GRIK3: variants seen among roughly 807,000 people sequenced by gnomAD.
The protein encoded by GRIK3 is glutamate ionotropic receptor kainate type subunit 3, also known as glutamate receptor ionotropic, kainate 3.
A neutral mutation model predicts 102.5 loss-of-function variants in GRIK3; 29 were observed. The ratio of observed to expected loss-of-function variants is 0.28; its 90% CI spans 0.21 to 0.39. The LOEUF (loss-of-function observed/expected upper bound fraction) is 0.39, where lower values mean the gene tolerates loss of function less well. Among genes scored for constraint, GRIK3 ranks in the 10% least tolerant of loss-of-function variants. GRIK3 has a pLI of 1.00. For synonymous variants in GRIK3, 511 were observed against 504.9 expected, an observed-to-expected ratio of 1.01 and a Z score of -0.16; for missense variants, 908 against 1,252.4, an observed-to-expected ratio of 0.73 and a Z score of 4.15.
intron 1 of GRIK3, 139 bp from the exon 2 acceptor site, chr1:36,891,235 A>T: frequency 1.6e-6 from 1 of 612,474 alleles, no homozygotes; most frequent in African/African-American, 1.8e-5. Context: ...TGCCATACCT[A>T]GAAAGTGTGC....
chr1:37,008,673 G>C (rs975349473), intron 1 of GRIK3, among the ~76,000 whole-genome samples: 5 of 152,152 alleles, frequency 3.3e-5, no homozygotes, highest in Admixed American at 1.3e-4. Context: ...TGTCTCCCTG[G>C]AGAGCTCCAT....
At chr1:36,855,293 G>C (rs999278097) in intron 7 of GRIK3, among the ~76,000 whole-genome samples, 5 of 152,104 alleles carry the variant, frequency 3.3e-5, no homozygotes, top group Non-Finnish European at 5.9e-5. Context: ...ATTCTGAATC[G>C]GGCTCCACAG....
At chr1:36,911,033 G>C (rs572867) in intron 1 of GRIK3, among the ~76,000 whole-genome samples, 2,434 of 152,328 alleles carry the variant, frequency 0.016, 62 homozygotes, top group African/African-American at 0.056. Flanking sequence ...GCTCGGAGCT[G>C]AGCTGTGGAA....
At position 37,034,014 on chromosome 1, in the gene GRIK3, A is replaced by C. The variant is rs773081005; in HGVS notation, c.95T>G (p.Met32Arg). ...CAFWIPDSRG[M>R]PHVIRIGGIF... ...CTTACCGATCCGGATGACGTGGGGC[A>C]TCCCGCGCGAGTCCGGGATCCAGAA... Residue 32 changes from methionine (M) to arginine (R), a missense_variant, in exon 1 of 16, where the codon ATG becomes AGG. Around this residue, in one of 3 missense-constraint regions of GRIK3, gnomAD observed 585 missense variants for 824.9 expected, o/e 0.71. Transcript: ENST00000373091. 6.3e-7 allele frequency: 1 copy of C among 1,598,984 alleles called. No homozygotes were observed.
At position 36,814,097 on chromosome 1, in the gene GRIK3, A is replaced by G. The variant is rs1303422329; in HGVS notation, c.2091+2963T>C. On this transcript the variant is annotated intron_variant, in intron 13 of 15. Coordinates refer to ENST00000373091, the MANE Select transcript of GRIK3 (RefSeq NM_000831.4). The stretch of plus-strand genomic sequence containing the variant: ...TCTCTTCTGCCCTCCTCGCTGTGCC[A>G]TTTGCACGGAAGGTGGGTGAGGGCA... 9.2e-5 allele frequency among the ~76,000 whole-genome samples: 14 copies of G among 152,200 alleles called. No homozygotes were observed. In the South Asian group the frequency reaches 2.7e-3, roughly 29 times the overall value.
chr1:36,992,385 C>T lies in GRIK3; in HGVS notation c.115+41609G>A, dbSNP rs528897734. 4.6e-5 allele frequency among the ~76,000 whole-genome samples: 7 copies of T among 152,070 alleles called. No homozygotes were observed. In the East Asian group the frequency reaches 9.7e-4, roughly 21 times the overall value. On this transcript the variant is annotated intron_variant, in intron 1 of 15. Coordinates refer to ENST00000373091, the MANE Select transcript of GRIK3 (RefSeq NM_000831.4). ...CTTGGGAAATCAGACAGCCTGAGGGCAACAGGGAGGCATGGAATGACTGGA... is the reference window on the plus strand; with the variant it reads ...CTTGGGAAATCAGACAGCCTGAGGGTAACAGGGAGGCATGGAATGACTGGA...
intron 13 of GRIK3, among the ~76,000 whole-genome samples, chr1:36,810,088 C>T (rs1642545665): frequency 6.6e-6 from 1 of 152,146 alleles, no homozygotes; most frequent in Admixed American, 6.5e-5. Context: ...TCCTTCTGTC[C>T]TTGAGCAGTT....
At chr1:36,893,498 T>C (rs1375782848) in intron 1 of GRIK3, among the ~76,000 whole-genome samples, 1 of 152,318 alleles carries the variant, frequency 6.6e-6, no homozygotes, top group East Asian at 1.9e-4. Flanking sequence ...ATACCATTTT[T>C]TGCCTATCCA....
At chr1:36,823,323 A>C (rs369038675) in intron 11 of GRIK3, among the ~76,000 whole-genome samples, 1 of 151,762 alleles carries the variant, frequency 6.6e-6, no homozygotes, top group Non-Finnish European at 1.5e-5. Flanking sequence ...AATACAAAAA[A>C]ATTAGCCGGG....
chr1:36,987,005 C>T (rs1642313735), intron 1 of GRIK3, among the ~76,000 whole-genome samples: 1 of 152,178 alleles, frequency 6.6e-6, no homozygotes, highest in Non-Finnish European at 1.5e-5. Context: ...CTTAGAAATC[C>T]TAGCACATCC....
intron 1 of GRIK3, among the ~76,000 whole-genome samples, chr1:37,030,372 G>C (rs1025658831): frequency 5.9e-5 from 9 of 152,296 alleles, no homozygotes; most frequent in Admixed American, 5.9e-4. Flanking sequence ...TACAGATGAG[G>C]CCGGTTTGGG....
intron 1 of GRIK3, among the ~76,000 whole-genome samples, chr1:36,929,135 G>T (rs1188169759): frequency 1.3e-5 from 2 of 152,122 alleles, no homozygotes; most frequent in Admixed American, 1.3e-4. Context: ...GCTTGTAAGG[G>T]ATGAAGCTGG....
chr1:36,867,193 C>T (rs1424566122), intron 5 of GRIK3, among the ~76,000 whole-genome samples: 1 of 152,174 alleles, frequency 6.6e-6, no homozygotes, highest in East Asian at 1.9e-4. Flanking sequence ...CCACAGCTAC[C>T]CTGGGTACAT....
chr1:36,817,316 C>T, intron 12 of GRIK3, 39 bp from the exon 13 acceptor site: 1 of 1,370,692 alleles, frequency 7.3e-7, no homozygotes, highest in Non-Finnish European at 1.0e-6. Flanking sequence ...CTTACAACAT[C>T]CAGACTAGCG....
At chr1:36,840,060 G>T (rs1640427916) in intron 10 of GRIK3, among the ~76,000 whole-genome samples, 1 of 152,174 alleles carries the variant, frequency 6.6e-6, no homozygotes, top group African/African-American at 2.4e-5. Flanking sequence ...TGGCCCCTGG[G>T]GTCAGGATGG....
chr1:37,027,222 AAAGG>A (rs1557468710), intron 1 of GRIK3, among the ~76,000 whole-genome samples: 3 of 152,144 alleles, frequency 2.0e-5, no homozygotes, highest in Non-Finnish European at 4.4e-5. Context: ...GAAATAAAAC[AAAGG>A]AAGGAAGGGC....
chr1:36,860,149 G>T (rs1173931962), intron 5 of GRIK3, 132 bp from the exon 6 acceptor site: 1 of 651,144 alleles, frequency 1.5e-6, no homozygotes, highest in Non-Finnish European at 2.6e-6. Flanking sequence ...CCCTGCAGAG[G>T]GGGTGCGGGA....
intron 1 of GRIK3, among the ~76,000 whole-genome samples, chr1:36,966,157 A>G (rs3845490): frequency 0.15 from 23,056 of 152,262 alleles, 2,756 homozygotes; most frequent in African/African-American, 0.34. Context: ...AGGTCCAGCC[A>G]TCTGTGCACT....
Position 36,869,819 on chromosome 1 carries a change from G to A in GRIK3, c.733-18C>T. 1 of 1,603,836 alleles carries A rather than the reference G, an allele frequency of 6.2e-7. No homozygotes were observed. The highest frequency in any genetic ancestry group is 1.1e-5 in the South Asian group (1 of 90,850). On this transcript the variant is annotated intron_variant, in intron 4 of 15. Transcript: ENST00000373091. ...GCCATGGCCTGCAGAAAAGCAGAGTGTTAGTGATCAGCAGGGAACCCCTGG... is the reference window on the plus strand; with the variant it reads ...GCCATGGCCTGCAGAAAAGCAGAGTATTAGTGATCAGCAGGGAACCCCTGG...
Sources: gnomAD v4.1 joint callset for allele counts (sites outside exome capture counted in the v4.1 genomes callset) on GRCh38, gnomAD v4.1.1 for gene constraint, gnomAD v4.1.1 regional missense constraint, MANE v1.5 for transcripts, NCBI Gene and HGNC (gene_info 2026-07-23, HGNC 2026-07-21) for gene names.